RARB: variants seen among roughly 807,000 people sequenced by gnomAD.
RARB encodes HBV-activated protein.
Under a neutral mutation model 51.9 loss-of-function variants are expected in RARB, and 17 were observed. The observed-to-expected ratio is 0.33, with a 90% confidence interval of 0.22 to 0.49. The LOEUF is 0.49. Ranked by LOEUF, RARB falls within the 20% of genes least tolerant of loss-of-function variation. RARB has a pLI of 0.99. For missense variants in RARB, 369 were observed against 550.8 expected (o/e 0.67, Z 3.30); for synonymous variants, 215 against 195.4 (o/e 1.10, Z -0.84).
rs556341509 is a variant in RARB at position 24,914,851 on chromosome 3, T to C, written c.-380+56099T>C. Among the ~76,000 whole-genome samples the C allele has an allele frequency of 3.2e-4, 49 of 152,356 alleles. No homozygotes were observed. In the South Asian group the frequency reaches 8.9e-3, roughly 28 times the overall value. ...CGAAATGATGTGGTAATCTCAGTAC[T>C]AACAGATGGTATTGTCCTGTCTTAA... On this transcript the variant is annotated intron_variant, in intron 2 of 11. Coordinates refer to the RARB transcript ENST00000383772.
intron 2 of RARB, among the ~76,000 whole-genome samples, chr3:24,881,317 C>T (rs756468320): frequency 3.3e-5 from 5 of 151,926 alleles, no homozygotes; most frequent in Admixed American, 6.6e-5. Context: ...ACAAGATCTT[C>T]GTTTTTAAGA....
In RARB at chr3:24,861,864, G is replaced by A. The variant is rs73152459; in HGVS notation, c.-380+3112G>A. 2.0e-5 allele frequency among the ~76,000 whole-genome samples: 3 copies of A among 152,300 alleles called. No homozygotes were observed. The South Asian group carries it at 6.2e-4, about 32-fold the overall frequency. On this transcript the variant is annotated intron_variant, in intron 2 of 11. Transcript: ENST00000383772. Reference sequence around the variant, plus strand: ...GTAGCTTTGACTTGTTGGATGCCCTGCAGGGACCACCAGGGCTCCCTGGAT... The same window carrying A: ...GTAGCTTTGACTTGTTGGATGCCCTACAGGGACCACCAGGGCTCCCTGGAT...
chr3:25,458,511 C>T (rs1030271016), intron 1 of RARB: 3 of 152,110 alleles, frequency 2.0e-5, no homozygotes, highest in South Asian at 2.1e-4. Context: ...TGATTAGTTC[C>T]GTGTGAAGAA....
At chr3:25,195,313 C>G (rs967682620) in intron 5 of RARB, among the ~76,000 whole-genome samples, 28 of 151,968 alleles carry the variant, frequency 1.8e-4, no homozygotes, top group African/African-American at 6.8e-4. Flanking sequence ...CATACATGCT[C>G]AATTTCTGAC....
chr3:24,892,882 G>A (rs1703412850), intron 2 of RARB, among the ~76,000 whole-genome samples: 1 of 152,190 alleles, frequency 6.6e-6, no homozygotes, highest in Non-Finnish European at 1.5e-5. Flanking sequence ...TAGTTAACCT[G>A]CCTGCCATTG....
chr3:24,967,290 TG>T (rs1399213194), intron 2 of RARB, among the ~76,000 whole-genome samples: 2 of 152,140 alleles, frequency 1.3e-5, no homozygotes, highest in Admixed American at 6.6e-5. Context: ...ATCTGTCTCC[TG>T]TAAGATTTGA....
At chr3:25,010,874 T>A (rs1352320442) in intron 2 of RARB, among the ~76,000 whole-genome samples, 1 of 152,118 alleles carries the variant, frequency 6.6e-6, no homozygotes, top group Non-Finnish European at 1.5e-5. Flanking sequence ...TAATTCTGCC[T>A]TTTAGTATTA....
chr3:25,494,253 G>GCACGCGCCCGCACTCACACACACA (rs1553623182), intron 2 of RARB, among the ~76,000 whole-genome samples: 1 of 131,852 alleles, frequency 7.6e-6, no homozygotes, highest in Non-Finnish European at 1.8e-5. Context: ...TGTATCTTAC[G>GCACGCGCCCGCACTCACACACACA]CACACACACA....
At chr3:25,294,561 AG>A (rs1703871725) in intron 5 of RARB, among the ~76,000 whole-genome samples, 1 of 152,182 alleles carries the variant, frequency 6.6e-6, no homozygotes, top group Non-Finnish European at 1.5e-5. Context: ...CCCAGGCTGA[AG>A]GGACTACAGG....
chr3:25,249,481 G>C (rs1239161309), intron 5 of RARB, among the ~76,000 whole-genome samples: 1 of 151,910 alleles, frequency 6.6e-6, no homozygotes, highest in African/African-American at 2.4e-5. Context: ...GTGATCCTTT[G>C]GAGGTTTCAT....
At chr3:25,254,541 A>C (rs1379021486) in intron 5 of RARB, among the ~76,000 whole-genome samples, 1 of 152,164 alleles carries the variant, frequency 6.6e-6, no homozygotes, top group African/African-American at 2.4e-5. Flanking sequence ...CTACCTTAGC[A>C]GCCAAATGGT....
At chr3:25,582,919 G>A (rs534027627) in intron 5 of RARB, among the ~76,000 whole-genome samples, 99 of 152,296 alleles carry the variant, frequency 6.5e-4, no homozygotes, top group South Asian at 1.4e-3. Flanking sequence ...TACATTAACA[G>A]CTGTAATACC....
intron 4 of RARB, among the ~76,000 whole-genome samples, chr3:25,132,282 A>G (rs1309762610): frequency 2.0e-5 from 3 of 151,900 alleles, no homozygotes; most frequent in Admixed American, 6.6e-5. Context: ...AATTGCTATT[A>G]TAATTATAAA....
intron 2 of RARB, among the ~76,000 whole-genome samples, chr3:24,939,784 T>C (rs539124299): frequency 6.2e-4 from 95 of 152,364 alleles, no homozygotes; most frequent in African/African-American, 2.2e-3. Flanking sequence ...TGGAAGTTAA[T>C]TTGTTAGCAC....
chr3:24,832,147 G>T (rs946281508), intron 1 of RARB, among the ~76,000 whole-genome samples: 2 of 152,126 alleles, frequency 1.3e-5, no homozygotes, highest in Non-Finnish European at 2.9e-5. Flanking sequence ...GCTTTAAAAA[G>T]GCTCTAAAGT....
chr3:25,573,164 A>C (rs1700777507), intron 4 of RARB, among the ~76,000 whole-genome samples: 2 of 151,874 alleles, frequency 1.3e-5, no homozygotes, highest in African/African-American at 4.8e-5. Context: ...CACAGTGATG[A>C]TCTCCGCTGG....
intron 4 of RARB, among the ~76,000 whole-genome samples, chr3:25,136,545 A>C (rs1700034209): frequency 6.6e-6 from 1 of 152,090 alleles, no homozygotes; most frequent in Admixed American, 6.6e-5. Context: ...AGATGACTAG[A>C]TGAATAACTT....
chr3:25,048,009 G>C (rs1018342515), intron 2 of RARB, among the ~76,000 whole-genome samples: 12 of 152,188 alleles, frequency 7.9e-5, no homozygotes, highest in African/African-American at 2.9e-4. Context: ...GAGTTCCCCT[G>C]CACAAGCTCT....
chr3:25,149,191 TA>T (rs1483885987), intron 4 of RARB, among the ~76,000 whole-genome samples: 3 of 152,160 alleles, frequency 2.0e-5, no homozygotes, highest in Non-Finnish European at 2.9e-5. Context: ...TGATTTAGCC[TA>T]CAGAAAAAAT....
Sources: allele counts gnomAD v4.1 joint callset (sites outside exome capture counted in the v4.1 genomes callset), GRCh38; gene constraint gnomAD v4.1.1; transcripts MANE v1.5; gene names NCBI Gene and HGNC (gene_info 2026-07-23, HGNC 2026-07-21).